LIPF: variants seen among roughly 807,000 people sequenced by gnomAD.
LIPF encodes the protein lipase F, gastric type.
Under a neutral mutation model 38.0 loss-of-function variants are expected in LIPF, and 25 were observed. The ratio of observed to expected loss-of-function variants is 0.66; its 90% confidence interval spans 0.48 to 0.92. The LOEUF is 0.92. Among genes scored for constraint, LIPF ranks in the 40% least tolerant of loss-of-function variants. The probability of loss-of-function intolerance (pLI) is 0.00; values close to 1 mark genes in which losing one functional copy is unlikely to be tolerated. For missense variants in LIPF, 410 were observed against 469.9 expected (o/e 0.87, Z 1.18); for synonymous variants, 161 against 156.2 (o/e 1.03, Z -0.23).
chr10:88,673,098 A>G (rs1841629270), intron 6 of LIPF, among the ~76,000 whole-genome samples: 1 of 152,202 alleles, frequency 6.6e-6, no homozygotes, highest in Non-Finnish European at 1.5e-5. Context: ...ATGACAAAAT[A>G]TCTGCCTTCC....
chr10:88,668,927 C>T lies in LIPF; in HGVS notation c.422+171C>T, dbSNP rs565907216. On this transcript the variant is annotated intron_variant, in intron 4 of 9. Transcript: ENST00000238983. ...TCCATGTACCTCATTCCTAGGGTAG[C>T]TTTTCCTTCAAACTTTTGTGATCTC... 9.9e-6 allele frequency: 6 copies of T among 603,530 alleles called. No individual in the cohort carries two copies. In the Admixed American group the frequency reaches 1.2e-4, roughly 12 times the overall value. 37.4% of individuals were successfully genotyped at this position (603,530 alleles called of 1,614,324 possible).
chr10:88,676,060 T>C (rs1841681342), intron 8 of LIPF, 149 bp from the exon 9 acceptor site: 1 of 565,416 alleles, frequency 1.8e-6, no homozygotes, highest in African/African-American at 1.9e-5. Flanking sequence ...CATAAATACC[T>C]TGTCCTAGAT....
At position 88,678,615 on chromosome 10, in the gene LIPF, G is replaced by T; in HGVS notation, c.1131G>T (p.Trp377Cys). Residue 377 changes from tryptophan to cysteine, a missense_variant, in exon 10 of 10, where the codon TGG (tryptophan) becomes TGT (cysteine). Physicochemically the swap from Trp to Cys is radical, Grantham distance 215. Coordinates refer to ENST00000238983, the MANE Select transcript of LIPF (RefSeq NM_004190.4). ...IPFYNHLDFI[W>C]AMDAPQEVYN... ...TTTACAATCACTTGGACTTTATCTG[G>T]GCAATGGATGCCCCTCAAGAAGTTT... 1 of 1,613,784 alleles carries T rather than the reference G, an allele frequency of 6.2e-7. No homozygotes were observed. The highest frequency in any genetic ancestry group is 1.6e-4 in the Middle Eastern group (1 of 6,062).
chr10:88,665,591 A>C, intron 1 of LIPF: 7 of 1,508,880 alleles, frequency 4.6e-6, no homozygotes, highest in Non-Finnish European at 6.2e-6. Context: ...TACAATGGCA[A>C]ATCACTTAAT....
chr10:88,678,005 G>A (rs1841713320), intron 9 of LIPF, among the ~76,000 whole-genome samples: 1 of 152,184 alleles, frequency 6.6e-6, no homozygotes, highest in African/African-American at 2.4e-5. Flanking sequence ...TCATATTTTA[G>A]AGTGTTTGGG....
At chr10:88,667,535 A>G in intron 2 of LIPF, 34 bp from the exon 3 acceptor site, 1 of 1,237,400 alleles carries the variant, frequency 8.1e-7, no homozygotes, top group Non-Finnish European at 1.2e-6. Flanking sequence ...CTAAAAATCA[A>G]CTAAAATTTA....
At chr10:88,673,798 T>TTA in intron 7 of LIPF, 64 bp downstream of exon 7, 1 of 1,333,298 alleles carries the variant, frequency 7.5e-7, no homozygotes, top group Non-Finnish European at 1.1e-6. Flanking sequence ...TCATTGCCAC[T>TTA]TAGAAGTGGT....
chr10:88,676,093 G>GA (rs1442557528), intron 8 of LIPF, 116 bp from the exon 9 acceptor site: 1 of 624,358 alleles, frequency 1.6e-6, no homozygotes, highest in Non-Finnish European at 2.7e-6. Flanking sequence ...TTTGGAATGA[G>GA]AAAAATGTTT....
At chr10:88,674,317 C>T (rs1048470020) in intron 7 of LIPF, among the ~76,000 whole-genome samples, 3 of 152,096 alleles carry the variant, frequency 2.0e-5, no homozygotes, top group Non-Finnish European at 4.4e-5. Context: ...TACAGGCGCC[C>T]GCCACCACGC....
At chr10:88,665,368 A>G (rs190280913) in intron 1 of LIPF, 48 of 552,070 alleles carry the variant, frequency 8.7e-5, no homozygotes, top group African/African-American at 8.5e-4. Context: ...CCTGTTTTAT[A>G]GATGAGAACA....
rs1841534212 is a variant in LIPF, at chr10:88,667,691, A to C, written c.223+5A>C. On this transcript the variant is annotated splice_donor_5th_base_variant and intron_variant, in intron 3 of 9. Transcript: ENST00000238983. ...AGAAAAATTCAGGGAATACAGGTAT[A>C]TATAAGCTTCTTTTCTTCCTTCCTT... 3.5e-6 allele frequency: 4 copies of C among 1,147,414 alleles called. No homozygotes were observed. Among genetic ancestry groups the C allele is most frequent in the Non-Finnish European group, 3.9e-6 (3 of 773,206 alleles). 71.1% of individuals were successfully genotyped at this position (1,147,414 alleles called of 1,614,324 possible). A position where few individuals can be genotyped will look rare whatever the true frequency, so the allele number is the denominator to read the frequency against.
intron 7 of LIPF, 66 bp from the exon 8 acceptor site, chr10:88,675,520 A>G: frequency 8.6e-7 from 1 of 1,161,484 alleles, no homozygotes; most frequent in Middle Eastern, 2.5e-4. Context: ...ATAAATCTTT[A>G]CTGTTTTTAA....
rs759838801 is a variant in LIPF, at chr10:88,673,598, G to T, written c.680G>T (p.Gly227Val). ...GCCTTTATTTTTCAGTTTATATTTG[G>T]TGACAAAATATTCTACCCACACAAC... ...VPQSLFKFIF[G>V]DKIFYPHNFF... The change falls in exon 7 of 10, where the codon GGT (glycine) becomes GTT (valine). Residue 227 changes from glycine (G) to valine (V), a missense_variant. Physicochemically the swap from Gly to Val is moderately radical, Grantham distance 109 (BLOSUM62 -3). Coordinates refer to ENST00000238983, the MANE Select transcript of LIPF (RefSeq NM_004190.4). 1.2e-6 allele frequency: 2 copies of T among 1,608,686 alleles called. No homozygotes were observed. The highest frequency in any genetic ancestry group is 1.7e-6 in the Non-Finnish European group (2 of 1,177,504).
rs200212107 is a variant in LIPF at position 88,667,267 on chromosome 10, G to A, written c.-11-20G>A. 13 of 1,337,676 alleles carry A rather than the reference G, an allele frequency of 9.7e-6. No homozygotes were observed. The East Asian group carries it at 1.1e-4, about 12-fold the overall frequency. 82.9% of individuals were successfully genotyped at this position (1,337,676 alleles called of 1,614,324 possible). ...AAGTATAATGGATTAACCATGGCAC[G>A]GGTTATTCTTTTCTTTCAGGCAGGT... On this transcript the variant is annotated intron_variant, in intron 1 of 9. Coordinates refer to ENST00000238983, the MANE Select transcript of LIPF (RefSeq NM_004190.4).
rs17333740 is a variant in LIPF at position 88,665,988 on chromosome 10, C to T, written c.-11-1299C>T. Among the ~76,000 whole-genome samples the T allele has an allele frequency of 3.6e-3, 550 of 152,192 alleles. 1 individual carries two copies. The highest frequency in any genetic ancestry group is 0.013 in the African/African-American group (529 of 41,544). ...TCCTGACCTCCTGATCCGCCCGCCT[C>T]GGCCTCCCAAAGTGCTGGGTTTGCA... On this transcript the variant is annotated intron_variant, in intron 1 of 9. Coordinates refer to ENST00000238983, the MANE Select transcript of LIPF (RefSeq NM_004190.4).
At chr10:88,673,127 A>G (rs1320514755) in intron 6 of LIPF, among the ~76,000 whole-genome samples, 1 of 152,190 alleles carries the variant, frequency 6.6e-6, no homozygotes, top group Non-Finnish European at 1.5e-5. Context: ...AGTTGGGGCA[A>G]ACTCTTTCAA....
chr10:88,667,677 G>T lies in LIPF; in HGVS notation c.214G>T (p.Gly72Trp). The T allele has an allele frequency of 7.4e-7, 1 of 1,358,680 alleles. No individual in the cohort carries two copies. Among genetic ancestry groups the T allele is most frequent in the South Asian group, 1.2e-5 (1 of 84,328 alleles). 84.2% of individuals were successfully genotyped at this position (1,358,680 alleles called of 1,614,324 possible). Reference sequence around the variant, plus strand: ...AATTCCTTATGGGAAGAAAAATTCAGGGAATACAGGTATATATAAGCTTCT... The same window carrying T: ...AATTCCTTATGGGAAGAAAAATTCATGGAATACAGGTATATATAAGCTTCT... ...NRIPYGKKNS[G>W]NTGQRPVVFL... Residue 72 changes from glycine to tryptophan, a missense_variant, in exon 3 of 10, where the codon GGG (glycine) becomes TGG (tryptophan). Transcript: ENST00000238983.
At chr10:88,678,162 A>G (rs1032937662) in intron 9 of LIPF, among the ~76,000 whole-genome samples, 1 of 152,196 alleles carries the variant, frequency 6.6e-6, no homozygotes, top group Non-Finnish European at 1.5e-5. Context: ...AGCATCACCT[A>G]TGAATGCAGA....
Position 88,678,601 on chromosome 10 carries a change from T to G in LIPF, c.1117T>G (p.Leu373Val). The G allele has an allele frequency of 1.2e-6, 2 of 1,614,010 alleles. No individual in the cohort carries two copies. Among genetic ancestry groups the G allele is most frequent in the Non-Finnish European group, 1.7e-6 (2 of 1,179,870 alleles). ...CAAGGAGATTCCTTTTTACAATCAC[T>G]TGGACTTTATCTGGGCAATGGATGC... ...YHKEIPFYNH[L>V]DFIWAMDAPQ... is the part of the protein sequence containing the mutation. Residue 373 changes from leucine to valine, a missense_variant, in exon 10 of 10, where the codon TTG (leucine) becomes GTG (valine). Coordinates refer to ENST00000238983, the MANE Select transcript of LIPF (RefSeq NM_004190.4).
Sources: allele counts gnomAD v4.1 joint callset (sites outside exome capture counted in the v4.1 genomes callset), GRCh38; gene constraint gnomAD v4.1.1; transcripts MANE v1.5; gene names NCBI Gene and HGNC (gene_info 2026-07-23, HGNC 2026-07-21).